The following FGF12 variants were observed in gnomAD, a reference collection of about 807,000 sequenced individuals.
FGF12 encodes the protein fibroblast growth factor 12.
A neutral mutation model predicts 23.6 loss-of-function variants in FGF12; 14 were observed. The ratio of observed to expected loss-of-function variants is 0.59; its 90% CI spans 0.39 to 0.93. The LOEUF is 0.93. Ranked by LOEUF, FGF12 falls within the 40% of genes least tolerant of loss-of-function variation. The pLI, the probability that FGF12 is intolerant of heterozygous loss-of-function variation, is 0.00. For synonymous variants in FGF12, 62 were observed against 77.3 expected (o/e 0.80, Z 1.04); for missense variants, 175 against 217.8 (o/e 0.80, Z 1.24).
chr3:192,218,360 T>C (rs1718304007), intron 4 of FGF12, among the ~76,000 whole-genome samples: 1 of 152,152 alleles, frequency 6.6e-6, no homozygotes, highest in African/African-American at 2.4e-5. Flanking sequence ...CATGTCTAAT[T>C]GTTATCCCCA....
intron 2 of FGF12, among the ~76,000 whole-genome samples, chr3:192,534,593 T>A (rs1472070278): frequency 6.6e-6 from 1 of 152,146 alleles, no homozygotes; most frequent in Non-Finnish European, 1.5e-5. Context: ...GGTTTTGTGA[T>A]GTTGGCCGGA....
chr3:192,470,088 T>C (rs1723127360), intron 2 of FGF12, among the ~76,000 whole-genome samples: 1 of 152,152 alleles, frequency 6.6e-6, no homozygotes. Context: ...AATTCCAATG[T>C]CCTCTCTGGA....
intron 4 of FGF12, among the ~76,000 whole-genome samples, chr3:192,223,368 A>G (rs960395922): frequency 1.2e-4 from 19 of 152,148 alleles, no homozygotes; most frequent in African/African-American, 3.9e-4. Flanking sequence ...TTATTCTTCA[A>G]TTTCTTTTTA....
At chr3:192,687,287 G>C (rs1717782621) in intron 2 of FGF12, among the ~76,000 whole-genome samples, 1 of 151,852 alleles carries the variant, frequency 6.6e-6, no homozygotes, top group Admixed American at 6.5e-5. Flanking sequence ...GGGAGTGATG[G>C]CCATGTGACT....
At chr3:192,312,013 A>G (rs535709040) in intron 4 of FGF12, among the ~76,000 whole-genome samples, 4 of 151,744 alleles carry the variant, frequency 2.6e-5, no homozygotes, top group Non-Finnish European at 5.9e-5. Context: ...CAATTAGGTT[A>G]TATGTCTTTT....
At chr3:192,564,643 A>G (rs1235995824) in intron 2 of FGF12, among the ~76,000 whole-genome samples, 1 of 152,186 alleles carries the variant, frequency 6.6e-6, no homozygotes, top group Non-Finnish European at 1.5e-5. Context: ...TGCAACAGAA[A>G]CCAGTGATCA....
At chr3:192,477,897 T>G (rs1723371953) in intron 2 of FGF12, among the ~76,000 whole-genome samples, 1 of 152,242 alleles carries the variant, frequency 6.6e-6, no homozygotes, top group African/African-American at 2.4e-5. Flanking sequence ...AGGAGCTAAG[T>G]GGTTGTACTT....
intron 2 of FGF12, among the ~76,000 whole-genome samples, chr3:192,615,223 A>T (rs558472080): frequency 2.6e-5 from 4 of 152,162 alleles, no homozygotes; most frequent in Non-Finnish European, 5.9e-5. Context: ...GAGATTATAC[A>T]ATCTCAGTGT....
chr3:192,206,283 C>A (rs1017392779), intron 4 of FGF12, among the ~76,000 whole-genome samples: 1 of 152,178 alleles, frequency 6.6e-6, no homozygotes, highest in African/African-American at 2.4e-5. Context: ...CTCTACCCAA[C>A]AAAGGATCAT....
intron 2 of FGF12, among the ~76,000 whole-genome samples, chr3:192,493,470 A>T (rs902265716): frequency 6.6e-6 from 1 of 152,160 alleles, no homozygotes; most frequent in Non-Finnish European, 1.5e-5. Flanking sequence ...TTACCACTCA[A>T]AGGAAGACAT....
chr3:192,242,889 G>C (rs548101504), intron 4 of FGF12, among the ~76,000 whole-genome samples: 2 of 152,084 alleles, frequency 1.3e-5, no homozygotes, highest in East Asian at 3.9e-4. Context: ...GGAAAGAAAA[G>C]TATATTTTAC....
chr3:192,677,105 C>G (rs1162384999), intron 2 of FGF12, among the ~76,000 whole-genome samples: 1 of 152,164 alleles, frequency 6.6e-6, no homozygotes, highest in Non-Finnish European at 1.5e-5. Context: ...AAACATGTGC[C>G]ACAAAGATTG....
rs79776541 is a variant in FGF12 at position 192,405,768 on chromosome 3, T to G, written c.14-45230A>C. Among the ~76,000 whole-genome samples, 975 of 152,364 alleles carry G rather than the reference T, an allele frequency of 6.4e-3. 12 individuals carry two copies. Among genetic ancestry groups the G allele is most frequent in the African/African-American group, 0.021 (873 of 41,582 alleles). On this transcript the variant is annotated intron_variant, in intron 2 of 5. Coordinates refer to ENST00000445105, the MANE Select transcript of FGF12 (RefSeq NM_004113.6). The stretch of plus-strand genomic sequence containing the variant: ...TCTCTCTATAAATAGACTTATTCCA[T>G]GCTATGTGAATCATGGCTGCTGACA...
At chr3:192,411,384 C>T (rs1721195664) in intron 2 of FGF12, among the ~76,000 whole-genome samples, 1 of 152,156 alleles carries the variant, frequency 6.6e-6, no homozygotes, top group African/African-American at 2.4e-5. Flanking sequence ...AAGGGAGAAT[C>T]CCAGCTGTCA....
In FGF12 at chr3:192,606,725, A is replaced by G. The variant is rs533377321; in HGVS notation, c.13+120456T>C. On this transcript the variant is annotated intron_variant, in intron 2 of 5. Transcript: ENST00000445105. ...CTTAAGGGGTTAAGTAAGCTGTCCA[A>G]GGTCATACAGTTATTTAAAAGCAGT... Among the ~76,000 whole-genome samples, 12 of 152,198 alleles carry G rather than the reference A, an allele frequency of 7.9e-5. No homozygotes were observed. In the South Asian group the frequency reaches 2.5e-3, roughly 32 times the overall value.
At chr3:192,254,752 T>C (rs1237290660) in intron 4 of FGF12, among the ~76,000 whole-genome samples, 6 of 152,058 alleles carry the variant, frequency 3.9e-5, no homozygotes, top group Non-Finnish European at 8.8e-5. Context: ...TGAGTTAAAA[T>C]TCTCTGTCAC....
intron 2 of FGF12, among the ~76,000 whole-genome samples, chr3:192,609,133 G>A (rs958904335): frequency 6.6e-6 from 1 of 152,014 alleles, no homozygotes; most frequent in African/African-American, 2.4e-5. Context: ...CTAAAATTCT[G>A]CAAACTCTCC....
intron 2 of FGF12, among the ~76,000 whole-genome samples, chr3:192,663,450 G>T (rs553639083): frequency 6.6e-6 from 1 of 152,188 alleles, no homozygotes; most frequent in African/African-American, 2.4e-5. Flanking sequence ...TTGTTCTCAG[G>T]TCATTCACAT....
chr3:192,404,967 G>A (rs76323175), intron 2 of FGF12, among the ~76,000 whole-genome samples: 1,987 of 152,136 alleles, frequency 0.013, 103 homozygotes, highest in African/African-American at 0.044. Context: ...TTTGACAGAA[G>A]ACATCCAGTT....
Sources: allele counts gnomAD v4.1 joint callset (sites outside exome capture counted in the v4.1 genomes callset), GRCh38; gene constraint gnomAD v4.1.1; transcripts MANE v1.5; gene names NCBI Gene and HGNC (gene_info 2026-07-23, HGNC 2026-07-21).